The following ATP8A2 variants were observed in gnomAD, a reference collection of about 807,000 sequenced individuals.
ATP8A2 encodes ATPase phospholipid transporting 8A2.
In ATP8A2, 100 loss-of-function variants were observed where a neutral mutation model predicts 165.6. The observed-to-expected ratio is 0.60, with a 90% confidence interval of 0.51 to 0.71. The LOEUF (loss-of-function observed/expected upper bound fraction) is 0.71, where lower values mean the gene tolerates loss of function less well. ATP8A2 is among the 30% of genes least tolerant of loss of function. ATP8A2 has a pLI of 0.00. For synonymous variants in ATP8A2, 543 were observed against 548.8 expected (o/e 0.99, Z 0.15); for missense variants, 1,227 against 1,479.5 (o/e 0.83, Z 2.80).
At chr13:25,394,893 G>GC (rs1566101409) in intron 1 of ATP8A2, among the ~76,000 whole-genome samples, 1 of 152,126 alleles carries the variant, frequency 6.6e-6, no homozygotes, top group African/African-American at 2.4e-5. Context: ...TACTAAAGCA[G>GC]CCTTATCTTC....
At chr13:25,383,459 G>T (rs2137935479) in intron 1 of ATP8A2, among the ~76,000 whole-genome samples, 1 of 152,142 alleles carries the variant, frequency 6.6e-6, no homozygotes, top group African/African-American at 2.4e-5. Flanking sequence ...TGTATATTTT[G>T]GATGCCAGTC....
intron 1 of ATP8A2, among the ~76,000 whole-genome samples, chr13:25,416,586 A>C (rs895933012): frequency 6.6e-6 from 1 of 152,208 alleles, no homozygotes; most frequent in Non-Finnish European, 1.5e-5. Context: ...TCTGGACAGC[A>C]TTAATGTCTG....
chr13:25,589,524 C>T (rs1194418660), intron 23 of ATP8A2, 111 bp from the exon 24 acceptor site: 8 of 732,152 alleles, frequency 1.1e-5, no homozygotes, highest in Non-Finnish European at 1.7e-5. Context: ...TTACCCTATT[C>T]CTCTGTGTGA....
chr13:25,704,443 G>T (rs4770862), intron 25 of ATP8A2, among the ~76,000 whole-genome samples: 1 of 151,420 alleles, frequency 6.6e-6, no homozygotes, highest in Non-Finnish European at 1.5e-5. Context: ...GGGTTCAAGC[G>T]ATCTTCCTGT....
intron 24 of ATP8A2, among the ~76,000 whole-genome samples, chr13:25,644,219 C>G (rs1158478166): frequency 6.6e-6 from 1 of 152,036 alleles, no homozygotes; most frequent in Non-Finnish European, 1.5e-5. Context: ...AATTTGGATG[C>G]CTTTTATTTC....
At position 25,545,713 on chromosome 13, in the gene ATP8A2, C is replaced by A. The variant is rs557374314; in HGVS notation, c.891+2311C>A. Among the ~76,000 whole-genome samples the A allele has an allele frequency of 2.0e-5, 3 of 152,282 alleles. No individual in the cohort carries two copies. The East Asian group carries it at 5.8e-4, about 29-fold the overall frequency. On this transcript the variant is annotated intron_variant, in intron 10 of 36. Coordinates refer to ENST00000381655, the MANE Select transcript of ATP8A2 (RefSeq NM_016529.6). Reference sequence around the variant, plus strand: ...GTGGTGGCGCGATCTTGGCTCACTGCAACCTCAGCCTCCCAGGCTCAAGCC... The same window carrying A: ...GTGGTGGCGCGATCTTGGCTCACTGAAACCTCAGCCTCCCAGGCTCAAGCC...
At chr13:25,761,096 C>G (rs909423762) in intron 25 of ATP8A2, among the ~76,000 whole-genome samples, 1 of 152,196 alleles carries the variant, frequency 6.6e-6, no homozygotes, top group Non-Finnish European at 1.5e-5. Flanking sequence ...AGCACCTGTT[C>G]AACTGCAGTG....
chr13:25,847,510 G>T (rs144247346), intron 30 of ATP8A2, among the ~76,000 whole-genome samples: 1 of 152,130 alleles, frequency 6.6e-6, no homozygotes, highest in South Asian at 2.1e-4. Context: ...TGTGTTGCGC[G>T]TATTTTAGAC....
chr13:25,444,152 T>C (rs2035008896), intron 1 of ATP8A2, among the ~76,000 whole-genome samples: 1 of 152,216 alleles, frequency 6.6e-6, no homozygotes, highest in Non-Finnish European at 1.5e-5. Flanking sequence ...CATAGATTAG[T>C]TTGCCTTTGA....
chr13:25,589,666 G>A lies in ATP8A2; in HGVS notation c.2178G>A (p.Met726Ile). The A allele has an allele frequency of 1.9e-6, 3 of 1,612,120 alleles. No individual in the cohort carries two copies. The highest frequency in any genetic ancestry group is 2.5e-6 in the Non-Finnish European group (3 of 1,178,466). The change falls in exon 24 of 37, where the codon ATG becomes ATA. Residue 726 changes from methionine (M) to isoleucine (I), a missense_variant. Physicochemically the swap from Met to Ile is conservative, Grantham distance 10. This residue lies in a region of ATP8A2 where 592 missense variants were observed against 785.6 expected (regional missense o/e 0.75). Transcript: ENST00000381655. ...GYSCRLVSQN[M>I]ALILLKEDSL... ...CCTGCCGATTGGTATCGCAGAATAT[G>A]GCCCTTATCCTATTGAAGGAGGACT...
rs569996722 is a variant in ATP8A2 at position 25,746,710 on chromosome 13, T to C, written c.2385-22336T>C. On this transcript the variant is annotated intron_variant, in intron 25 of 36. Transcript: ENST00000381655. ...ATTCATGCCCCAGCAGCAATAACAA[T>C]GCCTCGTCTCAAGAGCTAAAAATCT... 9.2e-5 allele frequency among the ~76,000 whole-genome samples: 14 copies of C among 152,338 alleles called. 1 individual carries two copies. In the South Asian group the frequency reaches 2.7e-3, roughly 29 times the overall value.
At position 25,988,275 on chromosome 13, in the gene ATP8A2, C is replaced by T. The variant is rs534182836; in HGVS notation, c.3377+19596C>T. Among the ~76,000 whole-genome samples the T allele has an allele frequency of 7.2e-5, 11 of 152,298 alleles. No homozygotes were observed. The South Asian group carries it at 1.0e-3, about 14-fold the overall frequency. On this transcript the variant is annotated intron_variant, in intron 35 of 36. Coordinates refer to ENST00000381655, the MANE Select transcript of ATP8A2 (RefSeq NM_016529.6). ...TCAGATGGCATCTTCGCTGTGAGTG[C>T]GAAGACGCTGGGCACCAGCACCTGC...
intron 24 of ATP8A2, among the ~76,000 whole-genome samples, chr13:25,651,295 T>C (rs1488507781): frequency 6.6e-6 from 1 of 152,058 alleles, no homozygotes; most frequent in African/African-American, 2.4e-5. Flanking sequence ...ATACAAAAAT[T>C]AGCTGGTCGT....
chr13:25,793,015 A>AGAGAAGAGAG (rs71077500), intron 27 of ATP8A2, among the ~76,000 whole-genome samples: 2 of 150,874 alleles, frequency 1.3e-5, no homozygotes, highest in Non-Finnish European at 1.5e-5. Context: ...GGAGGGCAGG[A>AGAGAAGAGAG]GAGAAGAGAG....
rs1215600163 is a variant in ATP8A2 at position 25,750,173 on chromosome 13, C to T, written c.2385-18873C>T. Reference sequence around the variant, plus strand: ...ACAGTAAGGAGAACTTCGGTGAAGTCCTCCCTGAAGGGTCACTGGTCCAGT... The same window carrying T: ...ACAGTAAGGAGAACTTCGGTGAAGTTCTCCCTGAAGGGTCACTGGTCCAGT... On this transcript the variant is annotated intron_variant, in intron 25 of 36. Coordinates refer to ENST00000381655, the MANE Select transcript of ATP8A2 (RefSeq NM_016529.6). The surrounding 1 kb of genome is among the most constrained non-coding windows in gnomAD (Gnocchi z 4.3). Among the ~76,000 whole-genome samples the T allele has an allele frequency of 6.6e-6, 1 of 152,174 alleles. No homozygotes were observed. Among genetic ancestry groups the T allele is most frequent in the African/African-American group, 2.4e-5 (1 of 41,434 alleles).
At chr13:25,402,721 G>A (rs1434299073) in intron 1 of ATP8A2, among the ~76,000 whole-genome samples, 1 of 152,146 alleles carries the variant, frequency 6.6e-6, no homozygotes, top group Non-Finnish European at 1.5e-5. Context: ...GGCCCTGAGG[G>A]CTCCGCCTTT....
Position 25,472,992 on chromosome 13 carries a change from A to G in ATP8A2, c.221+3871A>G, listed in dbSNP as rs560827044. On this transcript the variant is annotated intron_variant, in intron 2 of 36. Coordinates refer to ENST00000381655, the MANE Select transcript of ATP8A2 (RefSeq NM_016529.6). Reference sequence around the variant, plus strand: ...GGGGCGGCATGCTGTCATTCAGGACAGGAATTCTATGGATCAAGTTTACTG... The same window carrying G: ...GGGGCGGCATGCTGTCATTCAGGACGGGAATTCTATGGATCAAGTTTACTG... 2.0e-5 allele frequency among the ~76,000 whole-genome samples: 3 copies of G among 152,354 alleles called. No individual in the cohort carries two copies. In the East Asian group the frequency reaches 5.8e-4, roughly 29 times the overall value.
chr13:25,638,219 C>T (rs983018789), intron 24 of ATP8A2, among the ~76,000 whole-genome samples: 11 of 152,200 alleles, frequency 7.2e-5, no homozygotes, highest in East Asian at 3.9e-4. Context: ...TCCAAAGGAA[C>T]GCAGCTCCTC....
rs71077486 is a variant in ATP8A2, at chr13:25,554,529, ATGTGTGTG to A, written c.1186-432_1186-425del. ...ATAAATCATGTGTGTGTGTGTGTGTATGTGTGTGTGTGTGTGTGTGTGTGTGTGTGTGT... is the reference window on the plus strand; with the variant it reads ...ATAAATCATGTGTGTGTGTGTGTGTATGTGTGTGTGTGTGTGTGTGTGTGT... On this transcript the variant is annotated intron_variant, in intron 12 of 36. Coordinates refer to ENST00000381655, the MANE Select transcript of ATP8A2 (RefSeq NM_016529.6). 3.4e-3 allele frequency among the ~76,000 whole-genome samples: 481 copies of A among 140,408 alleles called. 1 individual carries two copies. The highest frequency in any genetic ancestry group is 0.011 in the African/African-American group (413 of 38,012). The allele number at this position is 140,408 out of a possible 152,430, so 92.1% of individuals were successfully genotyped here. A position where few individuals can be genotyped will look rare whatever the true frequency, so the allele number is the denominator to read the frequency against.
Sources: allele counts gnomAD v4.1 joint callset (sites outside exome capture counted in the v4.1 genomes callset), GRCh38; gene constraint gnomAD v4.1.1; regional missense constraint gnomAD v4.1.1; non-coding constraint Gnocchi (gnomAD v3.1); transcripts MANE v1.5; gene names NCBI Gene and HGNC (gene_info 2026-07-23, HGNC 2026-07-21).